Variants in RETREG1 observed in about 807,000 individuals in gnomAD.
The protein encoded by RETREG1 is reticulophagy regulator 1, also known as family with sequence similarity 134 member B.
A neutral mutation model predicts 54.8 loss-of-function variants in RETREG1; 44 were observed. The observed-to-expected ratio is 0.80, with a 90% CI of 0.63 to 1.03. The LOEUF (loss-of-function observed/expected upper bound fraction) is 1.03. Among genes scored for constraint, RETREG1 ranks in the 50% least tolerant of loss-of-function variants. The pLI, the probability that RETREG1 is intolerant of heterozygous loss-of-function variation, is 0.00. For missense variants in RETREG1, 554 were observed against 605.1 expected, an observed-to-expected ratio of 0.92 and a Z score of 0.89; for synonymous variants, 217 against 238.5, an observed-to-expected ratio of 0.91 and a Z score of 0.83.
intron 1 of RETREG1, among the ~76,000 whole-genome samples, chr5:16,602,674 A>C (rs958065075): frequency 6.6e-6 from 1 of 152,226 alleles, no homozygotes; most frequent in African/African-American, 2.4e-5. Flanking sequence ...GGAGAAAATT[A>C]ATGTCTTAGA....
intron 3 of RETREG1, among the ~76,000 whole-genome samples, chr5:16,528,487 G>A (rs1036343374): frequency 2.0e-5 from 3 of 152,122 alleles, no homozygotes; most frequent in Non-Finnish European, 4.4e-5. Context: ...TGGGACAGGA[G>A]TCAGCTCTGG....
At chr5:16,616,415 G>A (rs1743510216) in intron 1 of RETREG1, 3 of 669,068 alleles carry the variant, frequency 4.5e-6, no homozygotes. Flanking sequence ...CGACCACCTC[G>A]CATCTGAGGC....
chr5:16,475,304 G>T, intron 8 of RETREG1, 70 bp from the exon 9 acceptor site: 1 of 1,555,862 alleles, frequency 6.4e-7, no homozygotes, highest in Non-Finnish European at 8.7e-7. Flanking sequence ...GCTGTCTAAA[G>T]ATATCTGACT....
chr5:16,542,042 T>C (rs375619661), intron 3 of RETREG1, among the ~76,000 whole-genome samples: 1 of 152,198 alleles, frequency 6.6e-6, no homozygotes, highest in African/African-American at 2.4e-5. Flanking sequence ...TTTTGGTAGA[T>C]GTGATAAAGA....
At chr5:16,529,238 TAA>T (rs1470985262) in intron 3 of RETREG1, among the ~76,000 whole-genome samples, 1 of 152,220 alleles carries the variant, frequency 6.6e-6, no homozygotes, top group Non-Finnish European at 1.5e-5. Flanking sequence ...CATTTTTACT[TAA>T]GACTATTTAA....
At chr5:16,511,200 A>T (rs62369676) in intron 3 of RETREG1, among the ~76,000 whole-genome samples, 15,650 of 152,168 alleles carry the variant, frequency 0.1, 904 homozygotes, top group African/African-American at 0.12. Context: ...TGTGCATCAA[A>T]TTTTAAATTT....
At chr5:16,513,962 T>A (rs1740266706) in intron 3 of RETREG1, among the ~76,000 whole-genome samples, 1 of 152,248 alleles carries the variant, frequency 6.6e-6, no homozygotes, top group Admixed American at 6.5e-5. Context: ...ATATTGTGTT[T>A]AATATCTAGG....
At chr5:16,478,169 G>A in intron 6 of RETREG1, 71 bp from the exon 7 acceptor site, 1 of 921,324 alleles carries the variant, frequency 1.1e-6, no homozygotes. Context: ...ATTTCATTAT[G>A]TATTCTTACC....
rs578079933 is a variant in RETREG1, at chr5:16,587,807, A to G, written c.321-15705T>C. ...CCCACTCTTACCTTGGGTGTGCTCA[A>G]TTGTTCTGCCTGGTTCTCCCGCAGC... On this transcript the variant is annotated intron_variant, in intron 1 of 8. Transcript: ENST00000306320. Among the ~76,000 whole-genome samples, 37 of 152,208 alleles carry G rather than the reference A, an allele frequency of 2.4e-4. No homozygotes were observed. The South Asian group carries it at 6.4e-3, about 26-fold the overall frequency.
rs1738382906 is a variant in RETREG1 at position 16,473,369 on chromosome 5, G to C, written c.*1372C>G. On this transcript the variant is annotated 3_prime_UTR_variant, in exon 9 of 9. Transcript: ENST00000306320. Reference sequence around the variant, plus strand: ...TACCTCAGAAAGAAAAAATAAATAAGAGTAGCTACATTAAAATGTCAGATT... The same window carrying C: ...TACCTCAGAAAGAAAAAATAAATAACAGTAGCTACATTAAAATGTCAGATT... 1 of 152,498 alleles carries C rather than the reference G, an allele frequency of 6.6e-6. No homozygotes were observed. Among genetic ancestry groups the C allele is most frequent in the African/African-American group, 2.4e-5 (1 of 41,406 alleles). 9.4% of individuals were successfully genotyped at this position (152,498 alleles called of 1,614,324 possible).
intron 3 of RETREG1, among the ~76,000 whole-genome samples, chr5:16,486,275 A>G (rs1739016971): frequency 6.6e-6 from 1 of 152,196 alleles, no homozygotes; most frequent in South Asian, 2.1e-4. Flanking sequence ...ATGATTTAAA[A>G]AGAAAATGTA....
intron 1 of RETREG1, among the ~76,000 whole-genome samples, chr5:16,610,961 G>A (rs1420755709): frequency 1.3e-5 from 2 of 152,206 alleles, no homozygotes; most frequent in Non-Finnish European, 2.9e-5. Flanking sequence ...GCACACATAT[G>A]TTTATTGCGG....
chr5:16,491,443 A>C (rs527432453), intron 3 of RETREG1, among the ~76,000 whole-genome samples: 1 of 152,350 alleles, frequency 6.6e-6, no homozygotes, highest in African/African-American at 2.4e-5. Context: ...AGGCACATAA[A>C]AATACTGAAT....
In RETREG1 at chr5:16,555,389, C is replaced by G. The variant is rs151195234; in HGVS notation, c.458+10374G>C. Among the ~76,000 whole-genome samples the G allele has an allele frequency of 5.9e-3, 893 of 152,260 alleles. 6 individuals are homozygous for G. The highest frequency in any genetic ancestry group is 0.02 in the African/African-American group (851 of 41,538). ...CTGGTCTCAAATTCCTGAGCTCAGG[C>G]AATCTGCTTGTCTCAGCCTCCCAAA... On this transcript the variant is annotated intron_variant, in intron 3 of 8. Coordinates refer to ENST00000306320, the MANE Select transcript of RETREG1 (RefSeq NM_001034850.3).
At chr5:16,506,565 C>A (rs955371996) in intron 3 of RETREG1, among the ~76,000 whole-genome samples, 4 of 151,748 alleles carry the variant, frequency 2.6e-5, no homozygotes, top group Non-Finnish European at 5.9e-5. Context: ...TCTCCACCTC[C>A]CGGGCTCAGG....
chr5:16,616,977 GCT>G lies in RETREG1; in HGVS notation c.-8_-7del. 7.1e-7 allele frequency: 1 copy of G among 1,404,184 alleles called. No individual in the cohort carries two copies. The highest frequency in any genetic ancestry group is 9.2e-7 in the Non-Finnish European group (1 of 1,081,214). The allele number at this position is 1,404,184 out of a possible 1,614,324, so 87.0% of individuals were successfully genotyped here. ...GGAGGCGCCGGGCTCGCCATCTTCAGCTGTGCTTCCAGACAGGGACGGGGCCG... is the reference window on the plus strand; with the variant it reads ...GGAGGCGCCGGGCTCGCCATCTTCAGGTGCTTCCAGACAGGGACGGGGCCG... On this transcript the variant is annotated 5_prime_UTR_variant, in exon 1 of 9. Coordinates refer to ENST00000306320, the MANE Select transcript of RETREG1 (RefSeq NM_001034850.3).
chr5:16,481,128 C>T (rs1738754569), intron 4 of RETREG1, 35 bp from the exon 5 acceptor site: 1 of 1,437,792 alleles, frequency 7.0e-7, no homozygotes, highest in Admixed American at 1.7e-5. Flanking sequence ...GATAGTTAAG[C>T]ATAACACCAA....
intron 1 of RETREG1, among the ~76,000 whole-genome samples, chr5:16,577,037 G>GCGCA (rs1742342357): frequency 2.0e-5 from 3 of 150,740 alleles, no homozygotes; most frequent in East Asian, 2.0e-4. Flanking sequence ...TTGTGTGCAC[G>GCGCA]CACACACACA....
intron 1 of RETREG1, among the ~76,000 whole-genome samples, chr5:16,582,632 C>G (rs1488472126): frequency 6.8e-6 from 1 of 147,896 alleles, no homozygotes; most frequent in African/African-American, 2.5e-5. Context: ...TCAGGGGAAA[C>G]CCTCTGCTCA....
Sources: gnomAD v4.1 joint callset for allele counts (sites outside exome capture counted in the v4.1 genomes callset) on GRCh38, gnomAD v4.1.1 for gene constraint, MANE v1.5 for transcripts, NCBI Gene and HGNC (gene_info 2026-07-23, HGNC 2026-07-21) for gene names.